The following PRKDC variants were observed in gnomAD, a reference collection of about 807,000 sequenced individuals.
PRKDC encodes the protein protein kinase, DNA-activated, catalytic subunit, also known as DNA-dependent protein kinase catalytic subunit.
Under a neutral mutation model 486.9 loss-of-function variants are expected in PRKDC, and 82 were observed. The observed-to-expected ratio is 0.17, with a 90% confidence interval of 0.14 to 0.20. The LOEUF is 0.20. PRKDC is among the 10% of genes least tolerant of loss of function. The pLI is 1.00. For missense variants in PRKDC, 4,504 were observed against 5,038.2 expected, an observed-to-expected ratio of 0.89 and a Z score of 3.21; for synonymous variants, 1,895 against 1,837.0, an observed-to-expected ratio of 1.03 and a Z score of -0.81.
Position 47,882,096 on chromosome 8 carries a change from A to C in PRKDC, c.4778T>G (p.Val1593Gly). ...TAACATGCCGTTCAAAACGGCACTC[A>C]CCTGAGACAATTTCGTTGTGAGTGA... ...MQSSVDNTKM[V>G]SAVLNGMLDQ... The change falls in exon 37 of 86, where the codon GTG becomes GGG. Residue 1593 changes from valine (V) to glycine (G), a missense_variant and splice_region_variant. By Grantham distance (109) the Val-to-Gly change is moderately radical. Around this residue, in one of 6 missense-constraint regions of PRKDC, gnomAD observed 1,969 missense variants for 2,068.9 expected, o/e 0.95. Coordinates refer to ENST00000314191, the MANE Select transcript of PRKDC (RefSeq NM_006904.7). The C allele has an allele frequency of 6.3e-7, 1 of 1,599,036 alleles. No homozygotes were observed. The highest frequency in any genetic ancestry group is 8.5e-7 in the Non-Finnish European group (1 of 1,173,886).
chr8:47,903,141 A>G (rs1411218687), intron 26 of PRKDC, among the ~76,000 whole-genome samples: 1 of 152,192 alleles, frequency 6.6e-6, no homozygotes, highest in East Asian at 1.9e-4. Context: ...AGGAATTTTG[A>G]TTGTTGATTT....
chr8:47,815,890 A>G (rs1281467200), intron 68 of PRKDC, among the ~76,000 whole-genome samples: 1 of 152,194 alleles, frequency 6.6e-6, no homozygotes, highest in Admixed American at 6.5e-5. Flanking sequence ...ATGGCATTAT[A>G]CAGTGGAGAG....
At chr8:47,933,374 A>G (rs753052662) in intron 15 of PRKDC, among the ~76,000 whole-genome samples, 10 of 152,250 alleles carry the variant, frequency 6.6e-5, no homozygotes, top group Non-Finnish European at 1.3e-4. Context: ...CATTTCAGTC[A>G]GATGTCATTT....
Position 47,885,091 on chromosome 8 carries a change from T to G in PRKDC, c.4776+853A>C, listed in dbSNP as rs966082551. On this transcript the variant is annotated intron_variant, in intron 36 of 85. Transcript: ENST00000314191. ...CTTATAATATTTAGGCTTAGAAATT[T>G]GCAAAGCATAAGGGAATAGAAAAAA... Among the ~76,000 whole-genome samples, 6 of 152,230 alleles carry G rather than the reference T, an allele frequency of 3.9e-5. No homozygotes were observed. The East Asian group carries it at 7.7e-4, about 20-fold the overall frequency.
chr8:47,877,884 T>G, intron 39 of PRKDC, 33 bp from the exon 40 acceptor site: 1 of 1,405,126 alleles, frequency 7.1e-7, no homozygotes, highest in Non-Finnish European at 9.4e-7. Flanking sequence ...ATTAAAATTT[T>G]GTTGGGTTTT....
Position 47,779,834 on chromosome 8 carries a change from C to T in PRKDC, c.11490-741G>A, listed in dbSNP as rs530197616. Among the ~76,000 whole-genome samples the T allele has an allele frequency of 1.5e-3, 232 of 152,038 alleles. 3 individuals carry two copies. The South Asian group carries it at 0.046, about 30-fold the overall frequency. Reference sequence around the variant, plus strand: ...CGAATGCCTGACCTCGTGATCCGCCCGCCTCGGCCTCCCAAAGTGCTGGGA... The same window carrying T: ...CGAATGCCTGACCTCGTGATCCGCCTGCCTCGGCCTCCCAAAGTGCTGGGA... On this transcript the variant is annotated intron_variant, in intron 80 of 85. Transcript: ENST00000314191.
At chr8:47,866,100 G>A (rs2088803360) in intron 40 of PRKDC, among the ~76,000 whole-genome samples, 1 of 144,650 alleles carries the variant, frequency 6.9e-6, no homozygotes, top group African/African-American at 2.6e-5. Context: ...AGGTTGCAGT[G>A]AGCTGAGATC....
intron 25 of PRKDC, among the ~76,000 whole-genome samples, chr8:47,909,152 A>ATCC (rs566078245): frequency 1.1e-3 from 160 of 152,196 alleles, no homozygotes; most frequent in Non-Finnish European, 2.1e-3. Context: ...TTTAGCCACA[A>ATCC]TCCTCTTTAT....
Position 47,887,637 on chromosome 8 carries a change from T to A in PRKDC, c.4482A>T (p.Gly1494=). The change falls in exon 35 of 86, where the codon GGA becomes GGT. Residue 1494 remains glycine, a synonymous_variant. Coordinates refer to ENST00000314191, the MANE Select transcript of PRKDC (RefSeq NM_006904.7). ...LSLVYKGIAP[G]DERQCLPSLD... ...GAGAAGGCAGACACTGTCTCTCATC[T>A]CCAGGGGCAATGCCTTTATAAACCA... The A allele has an allele frequency of 6.2e-7, 1 of 1,608,124 alleles. No individual in the cohort carries two copies. Among genetic ancestry groups the A allele is most frequent in the South Asian group, 1.1e-5 (1 of 89,260 alleles).
intron 40 of PRKDC, among the ~76,000 whole-genome samples, chr8:47,873,356 G>C (rs1387878405): frequency 6.6e-6 from 1 of 152,014 alleles, no homozygotes; most frequent in Admixed American, 6.6e-5. Flanking sequence ...GGCCAACATG[G>C]TGAAAACCCA....
In PRKDC at chr8:47,832,060, A is replaced by G. The variant is rs2087894568; in HGVS notation, c.8153-134T>C. On this transcript the variant is annotated intron_variant, in intron 59 of 85. Coordinates refer to ENST00000314191, the MANE Select transcript of PRKDC (RefSeq NM_006904.7). ...AGGCAGCGACCGGGAGCAGGAGTGC[A>G]GGGGCCACAGCTGCAACTGGAACTG... 8 of 720,762 alleles carry G rather than the reference A, an allele frequency of 1.1e-5. No homozygotes were observed. In the South Asian group the frequency reaches 1.3e-4, roughly 12 times the overall value. The allele number at this position is 720,762 out of a possible 1,614,324, so 44.6% of individuals were successfully genotyped here. A position where few individuals can be genotyped will look rare whatever the true frequency, so the allele number is the denominator to read the frequency against.
intron 40 of PRKDC, among the ~76,000 whole-genome samples, chr8:47,867,581 G>T (rs1041147268): frequency 6.6e-6 from 1 of 152,098 alleles, no homozygotes; most frequent in African/African-American, 2.4e-5. Context: ...TGTTATTTTT[G>T]AAAGTATTTT....
At chr8:47,880,453 C>G (rs893880077) in intron 38 of PRKDC, among the ~76,000 whole-genome samples, 4 of 152,186 alleles carry the variant, frequency 2.6e-5, no homozygotes, top group African/African-American at 7.2e-5. Flanking sequence ...AAATGGGAAA[C>G]TTGATTAATC....
chr8:47,791,969 T>C (rs2086890112), intron 74 of PRKDC, among the ~76,000 whole-genome samples: 2 of 151,950 alleles, frequency 1.3e-5, no homozygotes, highest in Non-Finnish European at 2.9e-5. Context: ...GACAAATGAA[T>C]GAAGAAAATG....
intron 7 of PRKDC, among the ~76,000 whole-genome samples, chr8:47,947,261 T>C (rs2090549912): frequency 6.6e-6 from 1 of 152,146 alleles, no homozygotes. Context: ...CTGCGTTACA[T>C]CCTCAGAAAG....
chr8:47,776,813 C>T (rs925070492), intron 85 of PRKDC, 31 bp downstream of exon 85: 22 of 1,611,722 alleles, frequency 1.4e-5, no homozygotes, highest in East Asian at 2.2e-5. Context: ...GTCGGTAGTC[C>T]GTTAGTTTTT....
chr8:47,878,533 T>C (rs1272242085), intron 39 of PRKDC, among the ~76,000 whole-genome samples: 5 of 152,170 alleles, frequency 3.3e-5, no homozygotes, highest in Non-Finnish European at 7.3e-5. Flanking sequence ...ACTCTGATTC[T>C]GGTAATGTGC....
At chr8:47,942,061 G>C (rs2090454338) in intron 10 of PRKDC, among the ~76,000 whole-genome samples, 1 of 152,326 alleles carries the variant, frequency 6.6e-6, no homozygotes, top group South Asian at 2.1e-4. Flanking sequence ...AAGGCCCCCA[G>C]GGTGCCACCA....
At chr8:47,937,936 G>C (rs1336092597) in intron 11 of PRKDC, among the ~76,000 whole-genome samples, 4 of 152,092 alleles carry the variant, frequency 2.6e-5, no homozygotes, top group African/African-American at 9.7e-5. Context: ...GTAACGAAGT[G>C]AGATATCGTC....
Sources: allele counts gnomAD v4.1 joint callset (sites outside exome capture counted in the v4.1 genomes callset), GRCh38; gene constraint gnomAD v4.1.1; regional missense constraint gnomAD v4.1.1; transcripts MANE v1.5; gene names NCBI Gene and HGNC (gene_info 2026-07-23, HGNC 2026-07-21).